Variants in DPP6 observed in about 807,000 individuals in gnomAD.
The protein encoded by DPP6 is dipeptidyl peptidase like 6.
A neutral mutation model predicts 122.6 loss-of-function variants in DPP6; 69 were observed. The observed-to-expected ratio is 0.56, with a 90% CI of 0.46 to 0.69. DPP6 has a LOEUF of 0.69. DPP6 is among the 30% of genes least tolerant of loss of function. The probability of loss-of-function intolerance (pLI) is 0.00; values close to 1 mark genes in which losing one functional copy is unlikely to be tolerated. For missense variants in DPP6, 928 were observed against 1,116.9 expected (o/e 0.83, Z 2.41); for synonymous variants, 418 against 433.1 (o/e 0.97, Z 0.43).
At chr7:153,808,386 C>T in the DPP6 span, among the ~76,000 whole-genome samples, 4 of 144,294 alleles carry the variant, frequency 2.8e-5, no homozygotes, top group Non-Finnish European at 6.1e-5. Flanking sequence ...CCTGTGTGTG[C>T]GTGTGTGCCT....
chr7:154,086,963 A>G (rs1369097353), intron 1 of DPP6, among the ~76,000 whole-genome samples: 9 of 152,146 alleles, frequency 5.9e-5, no homozygotes, highest in Admixed American at 6.5e-5. Flanking sequence ...ATAACATTAC[A>G]CATCTGAGGA....
At chr7:154,443,694 A>T (rs1253257049) in intron 1 of DPP6, among the ~76,000 whole-genome samples, 1 of 150,698 alleles carries the variant, frequency 6.6e-6, no homozygotes, top group East Asian at 2.0e-4. Flanking sequence ...GGATGGGTGA[A>T]TGGATGGATG....
At chr7:154,526,908 GATTA>G (rs1289683255) in intron 3 of DPP6, among the ~76,000 whole-genome samples, 6 of 152,150 alleles carry the variant, frequency 3.9e-5, no homozygotes, top group Non-Finnish European at 8.8e-5. Context: ...GTGGCCCAGT[GATTA>G]TTGGAGAAAC....
At chr7:154,229,618 G>T (rs1450442623) in intron 1 of DPP6, among the ~76,000 whole-genome samples, 1 of 152,096 alleles carries the variant, frequency 6.6e-6, no homozygotes, top group Admixed American at 6.5e-5. Context: ...ATTAAAACAA[G>T]TTTTTTTATT....
intron 1 of DPP6, among the ~76,000 whole-genome samples, chr7:154,126,746 T>C (rs1287067218): frequency 1.3e-5 from 2 of 152,046 alleles, no homozygotes; most frequent in Non-Finnish European, 2.9e-5. Context: ...ATTTCAAACC[T>C]GTCTAAACAG....
chr7:154,687,659 T>C (rs1271567811), intron 7 of DPP6, among the ~76,000 whole-genome samples: 1 of 152,232 alleles, frequency 6.6e-6, no homozygotes, highest in Non-Finnish European at 1.5e-5. Context: ...CTTTTCACTC[T>C]TATTTTGATA....
intron 16 of DPP6, among the ~76,000 whole-genome samples, chr7:154,845,443 A>G (rs1435789224): frequency 1.3e-5 from 2 of 152,212 alleles, no homozygotes; most frequent in Admixed American, 1.3e-4. Context: ...AAAAAACAGC[A>G]ATGCCATTAA....
intron 2 of DPP6, among the ~76,000 whole-genome samples, chr7:154,460,147 A>G (rs901838392): frequency 3.3e-5 from 5 of 151,712 alleles, no homozygotes; most frequent in African/African-American, 1.2e-4. Context: ...ACACCTGGCT[A>G]ACTTTTGTAT....
chr7:154,786,875 G>A (rs1186602918), intron 10 of DPP6, among the ~76,000 whole-genome samples: 2 of 151,862 alleles, frequency 1.3e-5, no homozygotes, highest in Non-Finnish European at 2.9e-5. Flanking sequence ...AGTCTCATAC[G>A]ATGCTTTACC....
At chr7:154,666,035 C>T (rs1455424125) in intron 6 of DPP6, among the ~76,000 whole-genome samples, 1 of 152,008 alleles carries the variant, frequency 6.6e-6, no homozygotes, top group African/African-American at 2.4e-5. Context: ...ACCCTATTTC[C>T]ACCTATACCC....
intron 1 of DPP6, among the ~76,000 whole-genome samples, chr7:154,292,271 C>A (rs1159226852): frequency 6.6e-6 from 1 of 152,150 alleles, no homozygotes; most frequent in African/African-American, 2.4e-5. Flanking sequence ...TGGTCCCCCA[C>A]AAGTTTCACC....
chr7:154,304,090 T>C (rs547893786), intron 1 of DPP6, among the ~76,000 whole-genome samples: 1 of 152,224 alleles, frequency 6.6e-6, no homozygotes, highest in Admixed American at 6.5e-5. Context: ...AAGGACTTTA[T>C]TATTGAGAGT....
chr7:154,806,980 C>T lies in DPP6; in HGVS notation c.1548-14C>T, dbSNP rs564009335. Reference sequence around the variant, plus strand: ...CTCCGCCCACATTCACACCTGCGTCCTTTGCTCTTCCAGTGCCAACACGGT... The same window carrying T: ...CTCCGCCCACATTCACACCTGCGTCTTTTGCTCTTCCAGTGCCAACACGGT... On this transcript the variant is annotated splice_polypyrimidine_tract_variant and intron_variant, in intron 15 of 25. Transcript: ENST00000377770. 8.7e-6 allele frequency: 14 copies of T among 1,613,344 alleles called. 1 individual carries two copies. The South Asian group carries it at 1.3e-4, about 15-fold the overall frequency.
chr7:154,309,969 G>A (rs10952472), intron 1 of DPP6, among the ~76,000 whole-genome samples: 31,510 of 152,186 alleles, frequency 0.21, 4,380 homozygotes, highest in African/African-American at 0.4. Context: ...AGGAACTGCT[G>A]AAGAATAGGG....
At chr7:154,012,573 G>A (rs893043778) in intron 1 of DPP6, among the ~76,000 whole-genome samples, 1 of 152,132 alleles carries the variant, frequency 6.6e-6, no homozygotes, top group African/African-American at 2.4e-5. Context: ...TATCTGACAA[G>A]AGACTTGTAT....
intron 1 of DPP6, among the ~76,000 whole-genome samples, chr7:153,929,290 G>A (rs1395763208): frequency 1.3e-5 from 2 of 152,102 alleles, no homozygotes; most frequent in African/African-American, 4.8e-5. Context: ...ATAAGATGTG[G>A]GGAATGAGAC....
intron 8 of DPP6, among the ~76,000 whole-genome samples, chr7:154,758,188 G>T (rs1470248260): frequency 6.6e-6 from 1 of 152,194 alleles, no homozygotes; most frequent in Non-Finnish European, 1.5e-5. Context: ...TCTGTCAGGT[G>T]GCAGACATTC....
At chr7:154,851,175 G>A (rs765060719) in intron 16 of DPP6, among the ~76,000 whole-genome samples, 22 of 152,128 alleles carry the variant, frequency 1.4e-4, no homozygotes, top group Non-Finnish European at 2.6e-4. Flanking sequence ...GATTAAAAGC[G>A]ACTAATTCAG....
At chr7:154,438,516 A>C (rs904736945) in intron 1 of DPP6, among the ~76,000 whole-genome samples, 1 of 150,538 alleles carries the variant, frequency 6.6e-6, no homozygotes, top group Non-Finnish European at 1.5e-5. Flanking sequence ...AAAAAGAAAT[A>C]TCTCCTAAAG....
Sources: gnomAD v4.1 joint callset for allele counts (sites outside exome capture counted in the v4.1 genomes callset) on GRCh38, gnomAD v4.1.1 for gene constraint, MANE v1.5 for transcripts, NCBI Gene and HGNC (gene_info 2026-07-23, HGNC 2026-07-21) for gene names.